SNTB1: variants seen among roughly 807,000 people sequenced by gnomAD.
SNTB1 encodes syntrophin beta 1, also known as beta-1-syntrophin.
Under a neutral mutation model 48.9 loss-of-function variants are expected in SNTB1, and 36 were observed. The observed-to-expected ratio is 0.74, with a 90% CI of 0.56 to 0.97. The LOEUF (loss-of-function observed/expected upper bound fraction) is 0.97. Among genes scored for constraint, SNTB1 ranks in the 50% least tolerant of loss-of-function variants. The probability of loss-of-function intolerance (pLI) is 0.00; values close to 1 mark genes in which losing one functional copy is unlikely to be tolerated. For missense variants in SNTB1, 786 were observed against 703.4 expected, an observed-to-expected ratio of 1.12 and a Z score of -1.33; for synonymous variants, 299 against 294.6, an observed-to-expected ratio of 1.01 and a Z score of -0.15.
At position 120,720,355 on chromosome 8, in the gene SNTB1, G is replaced by A. The variant is rs192080559; in HGVS notation, c.572-26447C>T. Reference sequence around the variant, plus strand: ...TAGATTTACGTGCCTTCAGCACAATGCATGGCCAGTGAGTATCAAGTCCTC... The same window carrying A: ...TAGATTTACGTGCCTTCAGCACAATACATGGCCAGTGAGTATCAAGTCCTC... On this transcript the variant is annotated intron_variant, in intron 1 of 6. Coordinates refer to ENST00000517992, the MANE Select transcript of SNTB1 (RefSeq NM_021021.4). Among the ~76,000 whole-genome samples the A allele has an allele frequency of 2.0e-5, 3 of 152,340 alleles. No individual in the cohort carries two copies. In the East Asian group the frequency reaches 5.8e-4, roughly 29 times the overall value.
At chr8:120,560,076 C>T (rs1173712134) in intron 4 of SNTB1, among the ~76,000 whole-genome samples, 2 of 152,214 alleles carry the variant, frequency 1.3e-5, no homozygotes, top group Non-Finnish European at 2.9e-5. Context: ...GAATCACTAA[C>T]AAGTACCAAA....
chr8:120,601,608 A>G (rs978532565), intron 3 of SNTB1, among the ~76,000 whole-genome samples: 2 of 152,132 alleles, frequency 1.3e-5, no homozygotes, highest in African/African-American at 2.4e-5. Flanking sequence ...GTCTCACTCC[A>G]TCCCTGACTC....
At chr8:120,625,859 A>G (rs576982165) in intron 3 of SNTB1, among the ~76,000 whole-genome samples, 1 of 152,318 alleles carries the variant, frequency 6.6e-6, no homozygotes, top group East Asian at 1.9e-4. Context: ...ATCAGATGGG[A>G]GTTCCCTCAG....
chr8:120,587,203 G>A (rs1474120137), intron 3 of SNTB1, among the ~76,000 whole-genome samples: 8 of 148,384 alleles, frequency 5.4e-5, no homozygotes, highest in Middle Eastern at 3.4e-3. Flanking sequence ...CCTGGGCAAC[G>A]GAGCGAGACT....
chr8:120,615,093 G>A (rs1207213102), intron 3 of SNTB1, among the ~76,000 whole-genome samples: 1 of 151,772 alleles, frequency 6.6e-6, no homozygotes, highest in Non-Finnish European at 1.5e-5. Flanking sequence ...GGAGGTTTCA[G>A]TGAGCCGAGA....
At chr8:120,601,216 C>T (rs1816416713) in intron 3 of SNTB1, among the ~76,000 whole-genome samples, 1 of 151,496 alleles carries the variant, frequency 6.6e-6, no homozygotes. Flanking sequence ...CATCATCAGA[C>T]TGATCTCTAG....
chr8:120,670,824 G>A (rs956706397), intron 2 of SNTB1, among the ~76,000 whole-genome samples: 1 of 152,096 alleles, frequency 6.6e-6, no homozygotes, highest in African/African-American at 2.4e-5. Context: ...CGGAGTAGAT[G>A]GACACAATGT....
At chr8:120,607,847 G>A (rs148226654) in intron 3 of SNTB1, among the ~76,000 whole-genome samples, 196 of 152,320 alleles carry the variant, frequency 1.3e-3, no homozygotes, top group African/African-American at 4.5e-3. Flanking sequence ...GTGAAATGTT[G>A]TAACTGATGT....
intron 1 of SNTB1, among the ~76,000 whole-genome samples, chr8:120,795,726 G>A (rs568530094): frequency 2.0e-5 from 3 of 152,034 alleles, no homozygotes; most frequent in East Asian, 3.9e-4. Context: ...CAAGATCCAG[G>A]TGTCAGCAGG....
chr8:120,811,157 C>A, intron 1 of SNTB1, 116 bp downstream of exon 1: 6 of 1,378,928 alleles, frequency 4.4e-6, no homozygotes, highest in Non-Finnish European at 5.7e-6. Context: ...CACACACACC[C>A]GGCCCCCTGG....
rs144845800 is a variant in SNTB1, at chr8:120,617,985, A to G, written c.996+14459T>C. On this transcript the variant is annotated intron_variant, in intron 3 of 6. Transcript: ENST00000517992. ...AAGGCAGTATCACCTGAATATATGT[A>G]TATATATATATATTTAGTGCTCTAG... Among the ~76,000 whole-genome samples, 781 of 151,258 alleles carry G rather than the reference A, an allele frequency of 5.2e-3. 6 individuals carry two copies. The highest frequency in any genetic ancestry group is 0.018 in the African/African-American group (738 of 41,146).
intron 1 of SNTB1, among the ~76,000 whole-genome samples, chr8:120,737,606 T>C (rs74568323): frequency 0.019 from 2,836 of 151,678 alleles, 91 homozygotes; most frequent in African/African-American, 0.063. Context: ...AGTTCAGGAG[T>C]CACTTAGGAG....
intron 5 of SNTB1, among the ~76,000 whole-genome samples, chr8:120,543,718 T>C (rs1033345067): frequency 6.6e-6 from 1 of 152,148 alleles, no homozygotes; most frequent in Non-Finnish European, 1.5e-5. Context: ...TTTCTATTGT[T>C]CACAGAATGC....
intron 3 of SNTB1, among the ~76,000 whole-genome samples, chr8:120,599,378 A>G (rs904073453): frequency 6.6e-6 from 1 of 152,266 alleles, no homozygotes; most frequent in African/African-American, 2.4e-5. Context: ...TGAGGTTGAC[A>G]AAATGACCTT....
At chr8:120,730,485 G>A (rs556574823) in intron 1 of SNTB1, among the ~76,000 whole-genome samples, 2 of 152,220 alleles carry the variant, frequency 1.3e-5, no homozygotes, top group African/African-American at 4.8e-5. Flanking sequence ...ACTGTGCCAG[G>A]CCCAGTTCTA....
intron 1 of SNTB1, among the ~76,000 whole-genome samples, chr8:120,775,808 G>A (rs1346070088): frequency 2.6e-5 from 4 of 152,248 alleles, no homozygotes; most frequent in Admixed American, 2.6e-4. Flanking sequence ...CCCATGCCTA[G>A]GGAGTGGTGC....
At chr8:120,578,503 C>T (rs908656688) in intron 3 of SNTB1, among the ~76,000 whole-genome samples, 1 of 152,176 alleles carries the variant, frequency 6.6e-6, no homozygotes, top group Non-Finnish European at 1.5e-5. Flanking sequence ...ACACATGACT[C>T]CTGAAACAGA....
At chr8:120,732,618 G>C (rs1818870538) in intron 1 of SNTB1, among the ~76,000 whole-genome samples, 1 of 152,198 alleles carries the variant, frequency 6.6e-6, no homozygotes, top group Admixed American at 6.5e-5. Context: ...GCCAAAGTAG[G>C]CAAGTCACTT....
At chr8:120,694,812 A>G (rs1361507669) in intron 1 of SNTB1, among the ~76,000 whole-genome samples, 1 of 152,178 alleles carries the variant, frequency 6.6e-6, no homozygotes, top group Non-Finnish European at 1.5e-5. Flanking sequence ...AGCCATAATG[A>G]TTAAGAAATA....
Sources: gnomAD v4.1 joint callset for allele counts (sites outside exome capture counted in the v4.1 genomes callset) on GRCh38, gnomAD v4.1.1 for gene constraint, MANE v1.5 for transcripts, NCBI Gene and HGNC (gene_info 2026-07-23, HGNC 2026-07-21) for gene names.